The following PCDH7 variants were observed in gnomAD, a reference collection of about 807,000 sequenced individuals.
The protein encoded by PCDH7 is protocadherin-7.
In PCDH7, 17 loss-of-function variants were observed where a neutral mutation model predicts 58.9. The observed-to-expected ratio is 0.29, with a 90% confidence interval of 0.20 to 0.43. PCDH7 has a LOEUF of 0.43. Ranked by LOEUF, PCDH7 falls within the 20% of genes least tolerant of loss-of-function variation. The probability of loss-of-function intolerance (pLI) is 1.00; values close to 1 mark genes in which losing one functional copy is unlikely to be tolerated. For synonymous variants in PCDH7, 664 were observed against 616.4 expected, an observed-to-expected ratio of 1.08 and a Z score of -1.14; for missense variants, 1,274 against 1,441.0, an observed-to-expected ratio of 0.88 and a Z score of 1.88.
chr4:30,780,719 TGTCTGTGTAC>T (rs1241582834), intron 1 of PCDH7, among the ~76,000 whole-genome samples: 1 of 152,206 alleles, frequency 6.6e-6, no homozygotes, highest in Non-Finnish European at 1.5e-5. Context: ...TGAATTAATT[TGTCTGTGTAC>T]GTCTAATTGA....
intron 2 of PCDH7, among the ~76,000 whole-genome samples, chr4:30,926,613 AG>A (rs772316914): frequency 1.4e-4 from 21 of 152,160 alleles, no homozygotes; most frequent in Non-Finnish European, 2.2e-4. Context: ...TTTTCCAGTT[AG>A]TTTTTTTTCT....
rs369825351 is a variant in PCDH7, at chr4:31,113,660, T to C, written c.*8-28813T>C. Among the ~76,000 whole-genome samples, 78 of 152,234 alleles carry C rather than the reference T, an allele frequency of 5.1e-4. No homozygotes were observed. The Middle Eastern group carries it at 0.014, about 27-fold the overall frequency. ...TTAATTTGTGTAGTTTCAAGAATTA[T>C]CTTTATACATTTTCAGAAATAGAAC... On this transcript the variant is annotated intron_variant, in intron 3 of 3. Transcript: ENST00000509759.
At chr4:31,059,270 A>T (rs1757491525) in intron 3 of PCDH7, among the ~76,000 whole-genome samples, 1 of 151,950 alleles carries the variant, frequency 6.6e-6, no homozygotes, top group Admixed American at 6.6e-5. Context: ...TGATGACAGC[A>T]TCTGTATGAC....
chr4:30,927,075 T>C (rs1012563377), intron 2 of PCDH7, among the ~76,000 whole-genome samples: 3 of 152,170 alleles, frequency 2.0e-5, no homozygotes, highest in Non-Finnish European at 4.4e-5. Flanking sequence ...TGAGCGCTCA[T>C]CAAATCTCAA....
At chr4:30,897,285 G>T (rs1294813390) in intron 1 of PCDH7, among the ~76,000 whole-genome samples, 1 of 152,134 alleles carries the variant, frequency 6.6e-6, no homozygotes, top group Non-Finnish European at 1.5e-5. Context: ...GTGCTTCGAA[G>T]ATACGAGGTT....
At chr4:31,054,163 AC>A (rs1463645172) in intron 3 of PCDH7, among the ~76,000 whole-genome samples, 3 of 152,036 alleles carry the variant, frequency 2.0e-5, no homozygotes, top group African/African-American at 7.2e-5. Context: ...TGGGGGTTTC[AC>A]CATGTTGCCC....
chr4:30,781,816 G>T (rs1192074708), intron 1 of PCDH7, among the ~76,000 whole-genome samples: 1 of 152,092 alleles, frequency 6.6e-6, no homozygotes, highest in Non-Finnish European at 1.5e-5. Context: ...GATTACAAGC[G>T]TGAGCCACCA....
At chr4:31,051,344 G>A (rs1003852910) in intron 3 of PCDH7, among the ~76,000 whole-genome samples, 2 of 152,086 alleles carry the variant, frequency 1.3e-5, no homozygotes, top group Admixed American at 1.3e-4. Flanking sequence ...CAGGAGTGTG[G>A]CACCTGAAGG....
At chr4:31,014,037 CAAAT>C (rs968376689) in intron 3 of PCDH7, among the ~76,000 whole-genome samples, 3 of 151,870 alleles carry the variant, frequency 2.0e-5, no homozygotes, top group Admixed American at 6.6e-5. Context: ...ATAAAATAGA[CAAAT>C]AATTATGATT....
At chr4:31,136,042 C>T (rs1719559730) in intron 3 of PCDH7, among the ~76,000 whole-genome samples, 1 of 152,214 alleles carries the variant, frequency 6.6e-6, no homozygotes, top group African/African-American at 2.4e-5. Context: ...GATGAGGAAA[C>T]TAAAATCAAG....
rs149859626 is a variant in PCDH7 at position 30,973,454 on chromosome 4, A to T, written c.*7+23239A>T. ...TAATGAGTGATTGGTGCATTTTTGG[A>T]ATAAAAGACTACCACATTAGAATTT... On this transcript the variant is annotated intron_variant, in intron 3 of 3. Coordinates refer to the PCDH7 transcript ENST00000509759. 2.7e-3 allele frequency among the ~76,000 whole-genome samples: 410 copies of T among 152,314 alleles called. 2 individuals carry two copies. Among genetic ancestry groups the T allele is most frequent in the African/African-American group, 9.4e-3 (390 of 41,574 alleles).
intron 1 of PCDH7, among the ~76,000 whole-genome samples, chr4:30,881,378 A>G (rs1207095582): frequency 2.0e-5 from 3 of 152,094 alleles, no homozygotes; most frequent in Admixed American, 6.6e-5. Context: ...AACCCAGAAC[A>G]AACTATAAGT....
At chr4:31,085,348 CT>C (rs1396231586) in intron 3 of PCDH7, among the ~76,000 whole-genome samples, 1 of 152,042 alleles carries the variant, frequency 6.6e-6, no homozygotes, top group African/African-American at 2.4e-5. Context: ...GAGTCGGAAT[CT>C]TGTAGCCTAC....
intron 1 of PCDH7, among the ~76,000 whole-genome samples, chr4:30,813,079 G>A (rs1005409580): frequency 1.3e-5 from 2 of 152,118 alleles, no homozygotes; most frequent in South Asian, 2.1e-4. Context: ...TAGGAGAGCT[G>A]CTGGAAATAA....
chr4:30,870,765 T>C (rs1034230456), intron 1 of PCDH7, among the ~76,000 whole-genome samples: 3 of 152,132 alleles, frequency 2.0e-5, no homozygotes, highest in African/African-American at 7.2e-5. Context: ...ACTCATTTAT[T>C]CTCACCTCTT....
At chr4:31,133,828 G>C (rs1455211876) in intron 3 of PCDH7, among the ~76,000 whole-genome samples, 1 of 152,210 alleles carries the variant, frequency 6.6e-6, no homozygotes, top group Non-Finnish European at 1.5e-5. Flanking sequence ...GCCACATTCA[G>C]AATGACAGTG....
intron 1 of PCDH7, among the ~76,000 whole-genome samples, chr4:30,842,499 A>G (rs967130686): frequency 6.6e-6 from 1 of 152,188 alleles, no homozygotes; most frequent in Non-Finnish European, 1.5e-5. Context: ...GAAAGGACCA[A>G]AAATATTTAT....
chr4:30,827,679 T>A (rs1231653878), intron 1 of PCDH7, among the ~76,000 whole-genome samples: 1 of 152,198 alleles, frequency 6.6e-6, no homozygotes, highest in African/African-American at 2.4e-5. Flanking sequence ...CATAGACAGT[T>A]GTGCATGCAG....
chr4:30,792,854 A>G (rs549878459), intron 1 of PCDH7, among the ~76,000 whole-genome samples: 1 of 152,272 alleles, frequency 6.6e-6, no homozygotes, highest in South Asian at 2.1e-4. Context: ...TTCCAAAAAG[A>G]TCAGAAACTG....
Sources: allele counts gnomAD v4.1 joint callset (sites outside exome capture counted in the v4.1 genomes callset), GRCh38; gene constraint gnomAD v4.1.1; transcripts MANE v1.5; gene names NCBI Gene and HGNC (gene_info 2026-07-23, HGNC 2026-07-21).